The following COL6A1 variants were observed in gnomAD, a reference collection of about 807,000 sequenced individuals.
COL6A1 encodes collagen type VI alpha 1 chain.
Under a neutral mutation model 145.6 loss-of-function variants are expected in COL6A1, and 80 were observed. That is an observed-to-expected ratio of 0.55 (90% CI 0.46 to 0.66). The LOEUF is 0.66. Ranked by LOEUF, COL6A1 falls within the 30% of genes least tolerant of loss-of-function variation. COL6A1 has a pLI of 0.00. For missense variants in COL6A1, 1,364 were observed against 1,473.8 expected (o/e 0.93, Z 1.22); for synonymous variants, 638 against 622.8 (o/e 1.02, Z -0.36).
chr21:45,997,597 T>G, intron 21 of COL6A1, 103 bp from the exon 22 acceptor site: 1 of 1,535,254 alleles, frequency 6.5e-7, no homozygotes, highest in Non-Finnish European at 8.9e-7. Context: ...GCCCTGGGTG[T>G]CCTGGCTCCC....
At chr21:46,001,105 G>T in intron 29 of COL6A1, 148 bp from the exon 30 acceptor site, 1 of 1,119,874 alleles carries the variant, frequency 8.9e-7, no homozygotes, top group Non-Finnish European at 1.3e-6. Flanking sequence ...GCCATGGGAG[G>T]GGGTGGGCTT....
At chr21:45,997,124 C>A (rs1569518629) in intron 20 of COL6A1, among the ~76,000 whole-genome samples, 1 of 151,400 alleles carries the variant, frequency 6.6e-6, no homozygotes, top group Non-Finnish European at 1.5e-5. Context: ...CCGTGGGGGC[C>A]TGAGGCACCA....
Position 45,994,377 on chromosome 21 carries a change from G to A in COL6A1, c.1398+148G>A. The A allele has an allele frequency of 1.2e-6, 1 of 844,880 alleles. No homozygotes were observed. The highest frequency in any genetic ancestry group is 1.9e-6 in the Non-Finnish European group (1 of 525,658). The allele number at this position is 844,880 out of a possible 1,614,324, so 52.3% of individuals were successfully genotyped here. A position where few individuals can be genotyped will look rare whatever the true frequency, so the allele number is the denominator to read the frequency against. On this transcript the variant is annotated intron_variant, in intron 20 of 34. Coordinates refer to ENST00000361866, the MANE Select transcript of COL6A1 (RefSeq NM_001848.3). The surrounding 1 kb of genome is among the most constrained non-coding windows in gnomAD (Gnocchi z 6.8). ...ATCTCGGGGGTGTCCCTGCGTGGGA[G>A]CCGGCTGCAGGGGGTGAGGCGCGGC...
At chr21:46,002,743 C>G (rs2077854950) in intron 33 of COL6A1, 33 bp downstream of exon 33, 1 of 1,560,086 alleles carries the variant, frequency 6.4e-7, no homozygotes, top group Non-Finnish European at 8.7e-7. Flanking sequence ...AGTCCCAGAT[C>G]TGCGTAGGTG....
rs955911356 is a variant in COL6A1, at chr21:46,004,745, C to G, written c.*732C>G. 6 of 444,066 alleles carry G rather than the reference C, an allele frequency of 1.4e-5. No individual in the cohort carries two copies. The highest frequency in any genetic ancestry group is 4.0e-5 in the African/African-American group (2 of 49,728). 27.5% of individuals were successfully genotyped at this position (444,066 alleles called of 1,614,324 possible). A position where few individuals can be genotyped will look rare whatever the true frequency, so the allele number is the denominator to read the frequency against. On this transcript the variant is annotated 3_prime_UTR_variant, in exon 35 of 35. Coordinates refer to ENST00000361866, the MANE Select transcript of COL6A1 (RefSeq NM_001848.3). ...CGCTGCTGACCAGCACTGACCCCGA[C>G]CTCAGAGAGTACTCGCAGGGGCGCT... is the stretch of plus-strand genomic sequence containing the variant.
At position 45,992,207 on chromosome 21, in the gene COL6A1, C is replaced by T. The variant is rs765826390; in HGVS notation, c.1226C>T (p.Ala409Val). ...EPGPPGEKGE[A>V]GDEGNPGPDG... The stretch of plus-strand genomic sequence containing the variant: ...GGGCCCCCCGGAGAGAAAGGAGAGG[C>T]GGGCGACGAGGTGAGTGAGGGCTCC... Residue 409 changes from alanine to valine, a missense_variant, in exon 17 of 35, where the codon GCG becomes GTG. This residue lies in a region of COL6A1 where 938 missense variants were observed against 1,003.8 expected (regional missense o/e 0.93). Coordinates refer to ENST00000361866, the MANE Select transcript of COL6A1 (RefSeq NM_001848.3). 2.0e-5 allele frequency: 33 copies of T among 1,613,542 alleles called. No homozygotes were observed. The highest frequency in any genetic ancestry group is 1.2e-4 in the Admixed American group (7 of 60,002).
rs1040279969 is a variant in COL6A1 at position 46,004,269 on chromosome 21, T to C, written c.*256T>C. 3.5e-6 allele frequency: 2 copies of C among 574,460 alleles called. No individual in the cohort carries two copies. The highest frequency in any genetic ancestry group is 3.8e-5 in the African/African-American group (2 of 53,124). The allele number at this position is 574,460 out of a possible 1,614,324, so 35.6% of individuals were successfully genotyped here. A position where few individuals can be genotyped will look rare whatever the true frequency, so the allele number is the denominator to read the frequency against. Reference sequence around the variant, plus strand: ...AGCTAGTGTCACCTGCACAGGGCCCTCTGAGGCTCAGCCCTGAGCTGGCGT... The same window carrying C: ...AGCTAGTGTCACCTGCACAGGGCCCCCTGAGGCTCAGCCCTGAGCTGGCGT... On this transcript the variant is annotated 3_prime_UTR_variant, in exon 35 of 35. Transcript: ENST00000361866.
intron 20 of COL6A1, among the ~76,000 whole-genome samples, chr21:45,996,126 A>G (rs2077803419): frequency 6.6e-6 from 1 of 152,238 alleles, no homozygotes; most frequent in African/African-American, 2.4e-5. Flanking sequence ...TCTGTGGCAC[A>G]GTCTGACTGT....
At chr21:45,995,014 G>A (rs1473662805) in intron 20 of COL6A1, among the ~76,000 whole-genome samples, 4 of 152,274 alleles carry the variant, frequency 2.6e-5, no homozygotes, top group African/African-American at 9.6e-5. Flanking sequence ...TGTCTCAGAC[G>A]TCCAGCAAGA....
rs188370308 is a variant in COL6A1, at chr21:45,995,813, T to C, written c.1398+1584T>C. On this transcript the variant is annotated intron_variant, in intron 20 of 34. Coordinates refer to ENST00000361866, the MANE Select transcript of COL6A1 (RefSeq NM_001848.3). ...GACCCATGACTCACAGTTGCCTGGC[T>C]GAGGCAGGCACTTGTTCACCTGGAG... Among the ~76,000 whole-genome samples, 1,160 of 152,328 alleles carry C rather than the reference T, an allele frequency of 7.6e-3. 18 individuals are homozygous for C. Among genetic ancestry groups the C allele is most frequent in the African/African-American group, 0.026 (1,075 of 41,580 alleles).
At chr21:45,983,703 G>A (rs546255498) in intron 2 of COL6A1, among the ~76,000 whole-genome samples, 26 of 152,252 alleles carry the variant, frequency 1.7e-4, no homozygotes, top group South Asian at 1.2e-3. Flanking sequence ...GGGCGGCCGC[G>A]TGGCCCAGCG....
In COL6A1 at chr21:45,987,662, G is replaced by C; in HGVS notation, c.804+8G>C. Reference sequence around the variant, plus strand: ...GGCGACCCCGGCTTTGAGGTGAGTGGTGACTCCTGCTCCTCCCATGTGTTG... The same window carrying C: ...GGCGACCCCGGCTTTGAGGTGAGTGCTGACTCCTGCTCCTCCCATGTGTTG... On this transcript the variant is annotated splice_region_variant and intron_variant, in intron 8 of 34. Coordinates refer to ENST00000361866, the MANE Select transcript of COL6A1 (RefSeq NM_001848.3). 1 of 1,607,928 alleles carries C rather than the reference G, an allele frequency of 6.2e-7. No homozygotes were observed. Among genetic ancestry groups the C allele is most frequent in the Non-Finnish European group, 8.5e-7 (1 of 1,178,136 alleles).
chr21:45,985,393 G>GAGACAGGGAC (rs1569517795), intron 3 of COL6A1, among the ~76,000 whole-genome samples: 1 of 151,340 alleles, frequency 6.6e-6, no homozygotes, highest in African/African-American at 2.4e-5. Flanking sequence ...GACAGACAGA[G>GAGACAGGGAC]AGACAGGGAC....
In COL6A1 at chr21:45,992,089, C is replaced by T. The variant is rs536458158; in HGVS notation, c.1182+17C>T. 3.7e-6 allele frequency: 6 copies of T among 1,613,224 alleles called. No homozygotes were observed. In the African/African-American group the frequency reaches 8.0e-5, roughly 22 times the overall value. ...GGAGACGAGGTGAGGAGCTTCACAG[C>T]CCCCACACATGCCAGGTATGGGCCC... On this transcript the variant is annotated intron_variant, in intron 16 of 34. Transcript: ENST00000361866.
rs767760988 is a variant in COL6A1 at position 46,003,677 on chromosome 21, C to T, written c.2751C>T (p.Asn917=). ...MDFINDATDV[N]DALGYVTRFY... Reference sequence around the variant, plus strand: ...TTATCAACGACGCCACCGACGTCAACGATGCCCTGGGCTATGTGACCCGCT... The same window carrying T: ...TTATCAACGACGCCACCGACGTCAATGATGCCCTGGGCTATGTGACCCGCT... Residue 917 remains asparagine (N), a synonymous_variant, in exon 35 of 35, where the codon AAC becomes AAT. Transcript: ENST00000361866. The T allele has an allele frequency of 1.5e-5, 24 of 1,613,098 alleles. No individual in the cohort carries two copies. Among genetic ancestry groups the T allele is most frequent in the East Asian group, 4.5e-5 (2 of 44,874 alleles).
In COL6A1 at chr21:46,000,784, A is replaced by G. The variant is rs754867243; in HGVS notation, c.1822+17A>G. The G allele has an allele frequency of 2.5e-6, 4 of 1,613,690 alleles. No homozygotes were observed. Among genetic ancestry groups the G allele is most frequent in the African/African-American group, 1.3e-5 (1 of 74,922 alleles). On this transcript the variant is annotated intron_variant, in intron 29 of 34. Coordinates refer to ENST00000361866, the MANE Select transcript of COL6A1 (RefSeq NM_001848.3). ...CTTGCTGTGGTGAGACCCAGGCTCT[A>G]GCTCCTGAGAGAATGGATCCCGGGG...
Position 46,000,779 on chromosome 21 carries a change from G to C in COL6A1, c.1822+12G>C. 1.2e-6 allele frequency: 2 copies of C among 1,613,896 alleles called. No homozygotes were observed. The highest frequency in any genetic ancestry group is 1.1e-5 in the South Asian group (1 of 91,090). On this transcript the variant is annotated intron_variant, in intron 29 of 34. Coordinates refer to ENST00000361866, the MANE Select transcript of COL6A1 (RefSeq NM_001848.3). ...CTCAGCTTGCTGTGGTGAGACCCAGGCTCTAGCTCCTGAGAGAATGGATCC... is the reference window on the plus strand; with the variant it reads ...CTCAGCTTGCTGTGGTGAGACCCAGCCTCTAGCTCCTGAGAGAATGGATCC...
rs762461606 is a variant in COL6A1, at chr21:46,004,048, C to G, written c.*35C>G. The G allele has an allele frequency of 6.2e-7, 1 of 1,611,664 alleles. No individual in the cohort carries two copies. The highest frequency in any genetic ancestry group is 1.1e-5 in the South Asian group (1 of 91,014). On this transcript the variant is annotated 3_prime_UTR_variant, in exon 35 of 35. Coordinates refer to ENST00000361866, the MANE Select transcript of COL6A1 (RefSeq NM_001848.3). ...CACGCCGGCACCAAACCCTGTCCTC[C>G]CACCCCTCCCCACTCATCACTAAAC...
rs878854398 is a variant in COL6A1 at position 45,997,444 on chromosome 21, TA to T, written c.1425del (p.Gly476AlafsTer29). On this transcript the variant is annotated frameshift_variant, in exon 21 of 35. Coordinates refer to ENST00000361866, the MANE Select transcript of COL6A1 (RefSeq NM_001848.3). LOFTEE classifies it high-confidence loss of function. ...AGGGCGAGGCTGGCCCTATCGGACC[TA>T]AAGGCTACCGAGGCGATGAGGGTCC... ...DPGEAGPIGPKGYRGDEGPPG... is the reference protein window; with the variant it reads ...DPGEAGPIGPXGYRGDEGPPG... The T allele has an allele frequency of 1.5e-5, 24 of 1,612,612 alleles. No homozygotes were observed. The highest frequency in any genetic ancestry group is 2.0e-5 in the Non-Finnish European group (24 of 1,179,886).
Sources: gnomAD v4.1 joint callset for allele counts (sites outside exome capture counted in the v4.1 genomes callset) on GRCh38, gnomAD v4.1.1 for gene constraint, gnomAD v4.1.1 regional missense constraint, Gnocchi (gnomAD v3.1) non-coding constraint, MANE v1.5 for transcripts, NCBI Gene and HGNC (gene_info 2026-07-23, HGNC 2026-07-21) for gene names.